Variants in PDIA3 observed in about 807,000 individuals in gnomAD.
PDIA3 encodes the protein protein disulfide-isomerase A3.
In PDIA3, 16 loss-of-function variants were observed where a neutral mutation model predicts 56.9. The ratio of observed to expected loss-of-function variants is 0.28; its 90% CI spans 0.19 to 0.43. The LOEUF (loss-of-function observed/expected upper bound fraction) is 0.43, where lower values mean the gene tolerates loss of function less well. PDIA3 is among the 20% of genes least tolerant of loss of function. The pLI is 1.00. For synonymous variants in PDIA3, 192 were observed against 216.5 expected, an observed-to-expected ratio of 0.89 and a Z score of 0.99; for missense variants, 485 against 621.3, an observed-to-expected ratio of 0.78 and a Z score of 2.33.
In PDIA3 at chr15:43,771,460, TG is replaced by T. The variant is rs2086881505; in HGVS notation, c.*247del. Reference sequence around the variant, plus strand: ...ATTATTTGTGTTGGGGGAAATGTTGTGGGGGTGGGGTTGAGTTGGGGGTATT... The same window carrying T: ...ATTATTTGTGTTGGGGGAAATGTTGTGGGGTGGGGTTGAGTTGGGGGTATT... On this transcript the variant is annotated 3_prime_UTR_variant, in exon 13 of 13. Coordinates refer to ENST00000300289, the MANE Select transcript of PDIA3 (RefSeq NM_005313.5). 2 of 432,642 alleles carry T rather than the reference TG, an allele frequency of 4.6e-6. No individual in the cohort carries two copies. The highest frequency in any genetic ancestry group is 7.3e-5 in the South Asian group (1 of 13,752). The allele number at this position is 432,642 out of a possible 1,614,324, so 26.8% of individuals were successfully genotyped here. A position where few individuals can be genotyped will look rare whatever the true frequency, so the allele number is the denominator to read the frequency against.
Position 43,746,640 on chromosome 15 carries a change from A to G in PDIA3, c.101A>G (p.Asn34Ser). 6.2e-7 allele frequency: 1 copy of G among 1,612,928 alleles called. No homozygotes were observed. Among genetic ancestry groups the G allele is most frequent in the Admixed American group, 1.7e-5 (1 of 60,034 alleles). The change falls in exon 1 of 13, where the codon AAC becomes AGC. Residue 34 changes from asparagine (N) to serine (S), a missense_variant. Asn to Ser is a conservative substitution (Grantham distance 46, BLOSUM62 1). Coordinates refer to ENST00000300289, the MANE Select transcript of PDIA3 (RefSeq NM_005313.5). ...ASDVLELTDD[N>S]FESRISDTGS... ...GACGTGCTAGAACTCACGGACGACA[A>G]CTTCGAGAGTCGCATCTCCGACACG...
At chr15:43,752,939 T>C (rs1435765397) in intron 1 of PDIA3, 25 of 465,608 alleles carry the variant, frequency 5.4e-5, no homozygotes, top group Non-Finnish European at 1.0e-4. Context: ...GGTGGCCCTC[T>C]GGGAAAGGTA....
intron 1 of PDIA3, 64 bp downstream of exon 1, chr15:43,746,770 G>A (rs1164498392): frequency 1.3e-6 from 2 of 1,557,952 alleles, no homozygotes; most frequent in South Asian, 1.1e-5. Context: ...AGAGCGCGGG[G>A]AACTGTTGGG....
At chr15:43,749,255 G>A (rs559546400) in intron 1 of PDIA3, among the ~76,000 whole-genome samples, 12 of 151,710 alleles carry the variant, frequency 7.9e-5, no homozygotes, top group South Asian at 2.1e-4. Context: ...CACCAAGCCC[G>A]GCTAATTTTT....
At chr15:43,749,712 G>C (rs1036267701) in intron 1 of PDIA3, among the ~76,000 whole-genome samples, 5 of 152,042 alleles carry the variant, frequency 3.3e-5, no homozygotes, top group Non-Finnish European at 5.9e-5. Flanking sequence ...AAAATCACTT[G>C]AACCCAGGAG....
intron 1 of PDIA3, among the ~76,000 whole-genome samples, chr15:43,751,316 C>T (rs1290461231): frequency 6.6e-6 from 1 of 151,810 alleles, no homozygotes; most frequent in Admixed American, 6.6e-5. Context: ...GACTGGTGTT[C>T]CTATAAGGAA....
At chr15:43,752,518 GAA>G (rs2141644904) in intron 1 of PDIA3, among the ~76,000 whole-genome samples, 1 of 152,308 alleles carries the variant, frequency 6.6e-6, no homozygotes, top group South Asian at 2.1e-4. Flanking sequence ...CACTCAGTCT[GAA>G]AAACATAGCC....
At position 43,753,726 on chromosome 15, in the gene PDIA3, C is replaced by A. The variant is rs1596019134; in HGVS notation, c.168-98C>A. The A allele has an allele frequency of 1.5e-5, 13 of 850,172 alleles. No individual in the cohort carries two copies. The East Asian group carries it at 1.7e-4, about 11-fold the overall frequency. The allele number at this position is 850,172 out of a possible 1,614,324, so 52.7% of individuals were successfully genotyped here. A position where few individuals can be genotyped will look rare whatever the true frequency, so the allele number is the denominator to read the frequency against. ...TGCTTTTTGGAAGTGTCTACTAGCT[C>A]AAAGGTAGTATTATAGTTTGAGATT... On this transcript the variant is annotated intron_variant, in intron 1 of 12. Coordinates refer to ENST00000300289, the MANE Select transcript of PDIA3 (RefSeq NM_005313.5).
At chr15:43,747,118 G>C (rs765008588) in intron 1 of PDIA3, 17 of 175,160 alleles carry the variant, frequency 9.7e-5, no homozygotes, top group African/African-American at 1.9e-4. Flanking sequence ...AGAAGTCCTG[G>C]ATCCCTAGGG....
chr15:43,756,674 C>G lies in PDIA3; in HGVS notation c.272C>G (p.Thr91Ser), dbSNP rs1290107650. The G allele has an allele frequency of 1.2e-6, 2 of 1,604,624 alleles. No individual in the cohort carries two copies. Among genetic ancestry groups the G allele is most frequent in the Non-Finnish European group, 1.7e-6 (2 of 1,173,322 alleles). ...AKVDCTANTN[T>S]CNKYGVSGYP... is the part of the protein sequence containing the mutation. ...GTTGATTGCACTGCCAACACTAACA[C>G]CTGTAATAAATATGGAGTCAGTGGA... The change falls in exon 3 of 13, where the codon ACC becomes AGC. Residue 91 changes from threonine (T) to serine (S), a missense_variant. By Grantham distance (58) the Thr-to-Ser change is moderately conservative. Coordinates refer to ENST00000300289, the MANE Select transcript of PDIA3 (RefSeq NM_005313.5).
At chr15:43,763,267 G>A in intron 5 of PDIA3, 61 bp downstream of exon 5, 2 of 1,562,914 alleles carry the variant, frequency 1.3e-6, no homozygotes, top group Non-Finnish European at 1.8e-6. Flanking sequence ...GATACTGATT[G>A]ACTGGGACAA....
chr15:43,768,443 C>G, intron 8 of PDIA3, 46 bp from the exon 9 acceptor site: 1 of 1,369,698 alleles, frequency 7.3e-7, no homozygotes, highest in African/African-American at 1.4e-5. Context: ...ATTTTCTCAG[C>G]GGTGGGAATA....
chr15:43,758,653 G>T (rs554692078), intron 3 of PDIA3, among the ~76,000 whole-genome samples: 1 of 77,398 alleles, frequency 1.3e-5, no homozygotes. Context: ...GCAAGACTCC[G>T]TCTCAAAAAA....
At chr15:43,747,894 C>T (rs1400289969) in intron 1 of PDIA3, among the ~76,000 whole-genome samples, 1 of 152,170 alleles carries the variant, frequency 6.6e-6, no homozygotes, top group Non-Finnish European at 1.5e-5. Flanking sequence ...ATTTTGTTTG[C>T]AGCTTGGACA....
At position 43,773,122 on chromosome 15, in the gene PDIA3, G is replaced by A. The variant is rs753020171; in HGVS notation, c.*1904G>A. On this transcript the variant is annotated 3_prime_UTR_variant, in exon 13 of 13. Coordinates refer to ENST00000300289, the MANE Select transcript of PDIA3 (RefSeq NM_005313.5). ...AAAAATTCCCTTGATAACTTCAGCT[G>A]CCCCTGTTCTTTTCCTCAAACTCCA... 14 of 1,603,686 alleles carry A rather than the reference G, an allele frequency of 8.7e-6. No homozygotes were observed. Among genetic ancestry groups the A allele is most frequent in the Non-Finnish European group, 1.2e-5 (14 of 1,176,952 alleles).
chr15:43,746,457 G>A lies in PDIA3; in HGVS notation c.-83G>A. The A allele has an allele frequency of 7.6e-7, 1 of 1,310,034 alleles. No homozygotes were observed. Among genetic ancestry groups the A allele is most frequent in the Admixed American group, 3.1e-5 (1 of 32,466 alleles). The allele number at this position is 1,310,034 out of a possible 1,614,324, so 81.2% of individuals were successfully genotyped here. A position where few individuals can be genotyped will look rare whatever the true frequency, so the allele number is the denominator to read the frequency against. ...TGGGCCAGACGCGCGAGCGCAAGCA[G>A]CGGGTTAGTGGTCGCGCGCCCGACC... On this transcript the variant is annotated 5_prime_UTR_variant, in exon 1 of 13. Transcript: ENST00000300289.
In PDIA3 at chr15:43,764,404, T is replaced by TA. The variant is rs200605934; in HGVS notation, c.603-1039dup. 8.5e-3 allele frequency among the ~76,000 whole-genome samples: 1,301 copies of TA among 152,214 alleles called. 23 individuals are homozygous for TA. Among genetic ancestry groups the TA allele is most frequent in the African/African-American group, 0.028 (1,149 of 41,534 alleles). On this transcript the variant is annotated intron_variant, in intron 5 of 12. Transcript: ENST00000300289. ...GGCAATGGATAGGAAGGGGTGAGTA[T>TA]AAAAAAATGTAAACAATAGTCACTA... is the stretch of plus-strand genomic sequence containing the variant.
intron 3 of PDIA3, among the ~76,000 whole-genome samples, chr15:43,759,266 G>A (rs1934423396): frequency 6.6e-6 from 1 of 152,062 alleles, no homozygotes; most frequent in South Asian, 2.1e-4. Context: ...GTCTGGCCTG[G>A]GCGAAAGAGT....
At chr15:43,763,944 G>T (rs970614977) in intron 5 of PDIA3, among the ~76,000 whole-genome samples, 4 of 152,164 alleles carry the variant, frequency 2.6e-5, no homozygotes, top group African/African-American at 9.7e-5. Context: ...CCATAGTACT[G>T]CTGGAGTATT....
Sources: gnomAD v4.1 joint callset for allele counts (sites outside exome capture counted in the v4.1 genomes callset) on GRCh38, gnomAD v4.1.1 for gene constraint, MANE v1.5 for transcripts, NCBI Gene and HGNC (gene_info 2026-07-23, HGNC 2026-07-21) for gene names.